The following PPCDC variants were observed in gnomAD, a reference collection of about 807,000 sequenced individuals.
The protein encoded by PPCDC is phosphopantothenoylcysteine decarboxylase.
PPCDC carries 20 observed loss-of-function variants against 20.7 expected under a neutral mutation model. The observed-to-expected ratio is 0.97, with a 90% CI of 0.68 to 1.41. The LOEUF is 1.41. Among genes scored for constraint, PPCDC ranks in the 40% most tolerant of loss-of-function variants. The probability of loss-of-function intolerance (pLI) is 0.00; values close to 1 mark genes in which losing one functional copy is unlikely to be tolerated. For synonymous variants in PPCDC, 88 were observed against 100.3 expected, an observed-to-expected ratio of 0.88 and a Z score of 0.73; for missense variants, 246 against 263.8, an observed-to-expected ratio of 0.93 and a Z score of 0.47.
In PPCDC at chr15:75,028,472, T is replaced by C. The variant is rs753571056; in HGVS notation, c.135+19T>C. 6.2e-7 allele frequency: 1 copy of C among 1,614,066 alleles called. No individual in the cohort carries two copies. Among genetic ancestry groups the C allele is most frequent in the Admixed American group, 1.7e-5 (1 of 60,006 alleles). On this transcript the variant is annotated intron_variant, in intron 2 of 5. Transcript: ENST00000342932. ...TCCTGGGGTGAGTATCCTCACCAGA[T>C]AAGCATGGCAGCCTCCGGCATGGGA...
At chr15:75,045,699 CA>C (rs2066223425) in intron 4 of PPCDC, among the ~76,000 whole-genome samples, 1 of 151,994 alleles carries the variant, frequency 6.6e-6, no homozygotes, top group African/African-American at 2.4e-5. Flanking sequence ...TGGCCAGGAG[CA>C]GGGGTAGGGA....
At chr15:75,025,125 G>A (rs1341943489) in intron 1 of PPCDC, among the ~76,000 whole-genome samples, 2 of 152,120 alleles carry the variant, frequency 1.3e-5, no homozygotes, top group African/African-American at 4.8e-5. Context: ...TGTTACCCAG[G>A]CTGGTCTCGA....
intron 2 of PPCDC, among the ~76,000 whole-genome samples, chr15:75,037,479 G>T (rs543349448): frequency 1.3e-5 from 2 of 152,230 alleles, no homozygotes; most frequent in Non-Finnish European, 2.9e-5. Context: ...GGGCGCGGTG[G>T]CTCATGCCTG....
chr15:75,043,623 C>A, intron 3 of PPCDC, 87 bp downstream of exon 3: 1 of 1,188,930 alleles, frequency 8.4e-7, no homozygotes, highest in Non-Finnish European at 1.2e-6. Flanking sequence ...GGTCTGGCAG[C>A]TGGAACAGAC....
intron 2 of PPCDC, among the ~76,000 whole-genome samples, chr15:75,035,448 G>A (rs1487412788): frequency 2.0e-5 from 3 of 152,058 alleles, no homozygotes; most frequent in African/African-American, 7.2e-5. Flanking sequence ...AAGTAGAAAC[G>A]GGAGGTATCA....
At chr15:75,042,922 G>C (rs927165950) in intron 2 of PPCDC, among the ~76,000 whole-genome samples, 1 of 152,220 alleles carries the variant, frequency 6.6e-6, no homozygotes, top group African/African-American at 2.4e-5. Context: ...CTAGAAGTAC[G>C]TGAAGGGATA....
chr15:75,040,584 T>C (rs1246015996), intron 2 of PPCDC, among the ~76,000 whole-genome samples: 1 of 152,194 alleles, frequency 6.6e-6, no homozygotes, highest in African/African-American at 2.4e-5. Context: ...GCCTGTTATA[T>C]ATTTACTATA....
chr15:75,028,473 A>G lies in PPCDC; in HGVS notation c.135+20A>G. The G allele has an allele frequency of 6.2e-7, 1 of 1,613,982 alleles. No individual in the cohort carries two copies. The highest frequency in any genetic ancestry group is 8.5e-7 in the Non-Finnish European group (1 of 1,179,988). On this transcript the variant is annotated intron_variant, in intron 2 of 5. Coordinates refer to ENST00000342932, the MANE Select transcript of PPCDC (RefSeq NM_021823.5). ...CCTGGGGTGAGTATCCTCACCAGATAAGCATGGCAGCCTCCGGCATGGGAG... is the reference window on the plus strand; with the variant it reads ...CCTGGGGTGAGTATCCTCACCAGATGAGCATGGCAGCCTCCGGCATGGGAG...
chr15:75,046,280 C>T (rs989980926), intron 4 of PPCDC, among the ~76,000 whole-genome samples: 1 of 152,244 alleles, frequency 6.6e-6, no homozygotes, highest in East Asian at 1.9e-4. Flanking sequence ...GCAGCTAGAA[C>T]AGTTGAGTTT....
At position 75,032,735 on chromosome 15, in the gene PPCDC, CA is replaced by C. The variant is rs869118604; in HGVS notation, c.135+4284del. Among the ~76,000 whole-genome samples, 122 of 136,404 alleles carry C rather than the reference CA, an allele frequency of 8.9e-4. 6 individuals are homozygous for C. The East Asian group carries it at 0.016, about 18-fold the overall frequency. 89.5% of individuals were successfully genotyped at this position (136,404 alleles called of 152,430 possible). ...AGCTAGCAAACTGGACCCCCCCCCC[CA>C]AGGCCAAATTCGGCTCTGCCTGTTT... is the stretch of plus-strand genomic sequence containing the variant. On this transcript the variant is annotated intron_variant, in intron 2 of 5. Coordinates refer to ENST00000342932, the MANE Select transcript of PPCDC (RefSeq NM_021823.5).
rs543910321 is a variant in PPCDC, at chr15:75,043,945, G to A, written c.231+409G>A. Reference sequence around the variant, plus strand: ...GTGGGCACTGGCTGATTCACCAGACGCTGAGTGTGGGCCTCACAGGGGTTC... The same window carrying A: ...GTGGGCACTGGCTGATTCACCAGACACTGAGTGTGGGCCTCACAGGGGTTC... On this transcript the variant is annotated intron_variant, in intron 3 of 5. Transcript: ENST00000342932. Among the ~76,000 whole-genome samples the A allele has an allele frequency of 7.2e-5, 11 of 152,134 alleles. No homozygotes were observed. The South Asian group carries it at 8.3e-4, about 11-fold the overall frequency.
At chr15:75,035,958 T>G (rs2066079484) in intron 2 of PPCDC, among the ~76,000 whole-genome samples, 1 of 105,734 alleles carries the variant, frequency 9.5e-6, no homozygotes, top group Non-Finnish European at 2.0e-5. Flanking sequence ...AGCAAGACTG[T>G]GTCTCAAAAA....
chr15:75,044,833 G>C (rs1259212042), intron 4 of PPCDC: 1 of 311,568 alleles, frequency 3.2e-6, no homozygotes, highest in East Asian at 9.5e-5. Flanking sequence ...GGGCTGCCTG[G>C]GTGTGCTCTT....
At chr15:75,030,733 C>T (rs1221366513) in intron 2 of PPCDC, among the ~76,000 whole-genome samples, 1 of 152,226 alleles carries the variant, frequency 6.6e-6, no homozygotes, top group Non-Finnish European at 1.5e-5. Context: ...GTGCTCAAGG[C>T]TTTCCGGAAC....
At chr15:75,032,732 C>CT (rs988445597) in intron 2 of PPCDC, among the ~76,000 whole-genome samples, 3 of 132,102 alleles carry the variant, frequency 2.3e-5, no homozygotes, top group Non-Finnish European at 4.7e-5. Flanking sequence ...GGACCCCCCC[C>CT]CCCAAGGCCA....
intron 2 of PPCDC, among the ~76,000 whole-genome samples, chr15:75,031,077 G>A (rs151109217): frequency 5.9e-5 from 9 of 152,256 alleles, no homozygotes; most frequent in East Asian, 1.9e-4. Flanking sequence ...GGGCAAGTCC[G>A]TTCTTTTTGG....
intron 1 of PPCDC, among the ~76,000 whole-genome samples, chr15:75,026,107 T>C (rs550236803): frequency 6.6e-6 from 1 of 152,192 alleles, no homozygotes; most frequent in South Asian, 2.1e-4. Context: ...TTCTGTAACC[T>C]GTTTCCTAGG....
At chr15:75,037,529 C>T (rs969595667) in intron 2 of PPCDC, among the ~76,000 whole-genome samples, 1 of 151,920 alleles carries the variant, frequency 6.6e-6, no homozygotes, top group Non-Finnish European at 1.5e-5. Context: ...TGTGGATTGC[C>T]CTAGCTCAGG....
At chr15:75,046,749 C>T (rs975848775) in intron 4 of PPCDC, among the ~76,000 whole-genome samples, 8 of 152,278 alleles carry the variant, frequency 5.3e-5, no homozygotes, top group African/African-American at 1.9e-4. Flanking sequence ...GCAGACCTCC[C>T]TTTCCAGCGC....
Sources: allele counts gnomAD v4.1 joint callset (sites outside exome capture counted in the v4.1 genomes callset), GRCh38; gene constraint gnomAD v4.1.1; transcripts MANE v1.5; gene names NCBI Gene and HGNC (gene_info 2026-07-23, HGNC 2026-07-21).